Variants in TTC27 observed in about 807,000 individuals in gnomAD.
TTC27 encodes tetratricopeptide repeat protein 27.
In TTC27, 79 loss-of-function variants were observed where a neutral mutation model predicts 115.9. That is an observed-to-expected ratio of 0.68 (90% CI 0.57 to 0.82). The LOEUF is 0.82. TTC27 is among the 40% of genes least tolerant of loss of function. The probability of loss-of-function intolerance (pLI) is 0.00; values close to 1 mark genes in which losing one functional copy is unlikely to be tolerated. For missense variants in TTC27, 1,054 were observed against 993.1 expected (o/e 1.06, Z -0.82); for synonymous variants, 401 against 356.0 (o/e 1.13, Z -1.42).
At chr2:32,706,077 CTTTTTTTTTTTTTTTT>C (rs148953090) in intron 10 of TTC27, among the ~76,000 whole-genome samples, 3 of 53,222 alleles carry the variant, frequency 5.6e-5, no homozygotes, top group African/African-American at 2.7e-4. Context: ...TTACCTTACT[CTTTTTTTTTTTTTTTT>C]TTTTTTTTTG....
chr2:32,684,198 G>C (rs1310202350), intron 9 of TTC27, among the ~76,000 whole-genome samples: 5 of 152,096 alleles, frequency 3.3e-5, no homozygotes, highest in African/African-American at 1.2e-4. Flanking sequence ...TCTTGCGATA[G>C]TTTACTGAGA....
intron 8 of TTC27, among the ~76,000 whole-genome samples, chr2:32,674,019 C>T (rs994061299): frequency 2.6e-5 from 4 of 152,024 alleles, no homozygotes; most frequent in Non-Finnish European, 5.9e-5. Flanking sequence ...TAATTTTAGA[C>T]TAAATGAATA....
At chr2:32,695,903 T>C (rs543775289) in intron 9 of TTC27, among the ~76,000 whole-genome samples, 47 of 136,494 alleles carry the variant, frequency 3.4e-4, no homozygotes, top group African/African-American at 1.4e-3. Flanking sequence ...AAACTCCATC[T>C]CAAAAAATAA....
intron 16 of TTC27, among the ~76,000 whole-genome samples, chr2:32,806,782 GA>G (rs879646389): frequency 1.6e-4 from 23 of 142,252 alleles, no homozygotes; most frequent in South Asian, 2.2e-4. Context: ...TTGTCTCAAA[GA>G]AAAAAAAAAA....
At chr2:32,672,035 A>C (rs1666032448) in intron 7 of TTC27, among the ~76,000 whole-genome samples, 1 of 152,238 alleles carries the variant, frequency 6.6e-6, no homozygotes, top group Non-Finnish European at 1.5e-5. Context: ...TCAATCAGTG[A>C]TAGCTGTTAT....
chr2:32,748,566 T>C (rs989322915), intron 12 of TTC27, among the ~76,000 whole-genome samples: 1 of 152,242 alleles, frequency 6.6e-6, no homozygotes, highest in Non-Finnish European at 1.5e-5. Context: ...TTCTCTTTAG[T>C]TCTTTCAGTT....
intron 1 of TTC27, among the ~76,000 whole-genome samples, chr2:32,629,153 C>T (rs2063538026): frequency 6.7e-6 from 1 of 148,956 alleles, no homozygotes; most frequent in African/African-American, 2.5e-5. Context: ...TGGAGTCTCC[C>T]TCTTGTTGCT....
At position 32,758,303 on chromosome 2, in the gene TTC27, C is replaced by T. The variant is rs749640675; in HGVS notation, c.1464C>T (p.Ile488=). 2 of 1,613,896 alleles carry T rather than the reference C, an allele frequency of 1.2e-6. No homozygotes were observed. Among genetic ancestry groups the T allele is most frequent in the African/African-American group, 2.7e-5 (2 of 74,880 alleles). The change falls in exon 13 of 20, where the codon ATC becomes ATT. Residue 488 remains isoleucine (I), a synonymous_variant. Coordinates refer to ENST00000317907, the MANE Select transcript of TTC27 (RefSeq NM_017735.5). ...RAGQHGKAEE[I]LRQELEKKET... Reference sequence around the variant, plus strand: ...TCTGTTGTTTCTAGGCAGAAGAAATCCTTAGACAAGAGCTGGAGAAAAAAG... The same window carrying T: ...TCTGTTGTTTCTAGGCAGAAGAAATTCTTAGACAAGAGCTGGAGAAAAAAG...
chr2:32,753,056 G>A lies in TTC27; in HGVS notation c.1453-5236G>A, dbSNP rs116147295. Among the ~76,000 whole-genome samples, 1,414 of 152,272 alleles carry A rather than the reference G, an allele frequency of 9.3e-3. 12 individuals are homozygous for A. Among genetic ancestry groups the A allele is most frequent in the Middle Eastern group, 0.024 (7 of 294 alleles). ...TGAGCAGTGGTCTGGCATTACTCAC[G>A]TAGTTGCAATCAGATGGTGCTGGGT... On this transcript the variant is annotated intron_variant, in intron 12 of 19. Transcript: ENST00000317907.
chr2:32,766,705 A>G (rs1477262488), intron 13 of TTC27, among the ~76,000 whole-genome samples: 1 of 152,248 alleles, frequency 6.6e-6, no homozygotes, highest in East Asian at 1.9e-4. Flanking sequence ...TGACAGAGAC[A>G]CGAAGTAAGC....
chr2:32,802,708 A>G (rs528645124), intron 16 of TTC27, among the ~76,000 whole-genome samples: 45 of 151,984 alleles, frequency 3.0e-4, no homozygotes, highest in Non-Finnish European at 5.0e-4. Context: ...CTGCATCCTA[A>G]TCTTCTTTGC....
intron 5 of TTC27, among the ~76,000 whole-genome samples, chr2:32,662,193 A>T (rs1029665474): frequency 4.2e-4 from 64 of 152,300 alleles, no homozygotes; most frequent in African/African-American, 1.5e-3. Flanking sequence ...GGATTTTTGC[A>T]TCAATGTTCA....
rs147021005 is a variant in TTC27 at position 32,811,070 on chromosome 2, G to A, written c.2045G>A (p.Arg682Gln). Reference sequence around the variant, plus strand: ...GCAGTGATTGATGGGATGACTGATCGAAGTGGAGATGTTGCAACTGGCCTC... The same window carrying A: ...GCAGTGATTGATGGGATGACTGATCAAAGTGGAGATGTTGCAACTGGCCTC... ...VRAVIDGMTD[R>Q]SGDVATGLKG... Residue 682 changes from arginine (R) to glutamine (Q), a missense_variant, in exon 17 of 20, where the codon CGA (arginine) becomes CAA (glutamine). Transcript: ENST00000317907. 1.4e-5 allele frequency: 22 copies of A among 1,613,982 alleles called. No homozygotes were observed. Among genetic ancestry groups the A allele is most frequent in the Middle Eastern group, 1.6e-4 (1 of 6,084 alleles).
intron 19 of TTC27, among the ~76,000 whole-genome samples, chr2:32,818,860 G>A (rs963705916): frequency 6.6e-6 from 1 of 152,026 alleles, no homozygotes; most frequent in African/African-American, 2.4e-5. Context: ...TCAGATCAAG[G>A]CATCATTTTT....
intron 10 of TTC27, among the ~76,000 whole-genome samples, chr2:32,707,490 C>T (rs975869408): frequency 1.1e-4 from 16 of 152,164 alleles, no homozygotes; most frequent in African/African-American, 3.1e-4. Context: ...CAAACTATAG[C>T]ACTGTTGAAT....
intron 14 of TTC27, among the ~76,000 whole-genome samples, chr2:32,781,276 T>A (rs1013888201): frequency 6.6e-6 from 1 of 152,222 alleles, no homozygotes; most frequent in Non-Finnish European, 1.5e-5. Context: ...TGTTCATGTT[T>A]TCCTTTAAAT....
chr2:32,785,657 G>A (rs572552314), intron 15 of TTC27, among the ~76,000 whole-genome samples: 10 of 152,228 alleles, frequency 6.6e-5, no homozygotes, highest in African/African-American at 9.6e-5. Flanking sequence ...GTGCAGTGGC[G>A]CGATCTCAGC....
chr2:32,633,444 G>A (rs1363070116), intron 2 of TTC27, among the ~76,000 whole-genome samples: 1 of 151,748 alleles, frequency 6.6e-6, no homozygotes, highest in Non-Finnish European at 1.5e-5. Context: ...ACAGGGTCTC[G>A]CTTTATCATC....
chr2:32,724,961 G>C lies in TTC27; in HGVS notation c.1234-8867G>C, dbSNP rs904425677. 3.3e-5 allele frequency among the ~76,000 whole-genome samples: 5 copies of C among 152,312 alleles called. No individual in the cohort carries two copies. In the South Asian group the frequency reaches 8.3e-4, roughly 25 times the overall value. ...CAAGGAGGAGCAAGTCACATCTTAC[G>C]TGGATGGCAGCAGACAAAGAGAGAG... On this transcript the variant is annotated intron_variant, in intron 10 of 19. Transcript: ENST00000317907.
Sources: gnomAD v4.1 joint callset for allele counts (sites outside exome capture counted in the v4.1 genomes callset) on GRCh38, gnomAD v4.1.1 for gene constraint, MANE v1.5 for transcripts, NCBI Gene and HGNC (gene_info 2026-07-23, HGNC 2026-07-21) for gene names.